The following IQGAP2 variants were observed in gnomAD, a reference collection of about 807,000 sequenced individuals.
IQGAP2 encodes IQ motif containing GTPase activating protein 2.
IQGAP2 carries 173 observed loss-of-function variants against 201.3 expected under a neutral mutation model. The observed-to-expected ratio is 0.86, with a 90% confidence interval of 0.76 to 0.98. The LOEUF is 0.98. Among genes scored for constraint, IQGAP2 ranks in the 50% least tolerant of loss-of-function variants. The pLI is 0.00. For synonymous variants in IQGAP2, 675 were observed against 673.9 expected, an observed-to-expected ratio of 1.00 and a Z score of -0.03; for missense variants, 1,687 against 1,864.8, an observed-to-expected ratio of 0.90 and a Z score of 1.76.
At chr5:76,595,604 T>A (rs1746972866) in intron 9 of IQGAP2, among the ~76,000 whole-genome samples, 1 of 151,496 alleles carries the variant, frequency 6.6e-6, no homozygotes, top group Non-Finnish European at 1.5e-5. Context: ...ACAAAAAAAA[T>A]TTAAAAATTA....
intron 2 of IQGAP2, among the ~76,000 whole-genome samples, chr5:76,475,158 G>A (rs1330228123): frequency 6.6e-6 from 1 of 152,166 alleles, no homozygotes; most frequent in African/African-American, 2.4e-5. Flanking sequence ...CCTCTGGGAT[G>A]AGAGGGGAGA....
chr5:76,565,668 T>C (rs1290315520), intron 3 of IQGAP2, among the ~76,000 whole-genome samples: 1 of 152,188 alleles, frequency 6.6e-6, no homozygotes, highest in Non-Finnish European at 1.5e-5. Context: ...GGCAGGGTCT[T>C]ATCCACAGTA....
chr5:76,656,188 T>C (rs889803723), intron 20 of IQGAP2, among the ~76,000 whole-genome samples: 1 of 150,346 alleles, frequency 6.7e-6, no homozygotes, highest in Non-Finnish European at 1.5e-5. Flanking sequence ...GTTTTTGGGG[T>C]TTTTTGTTGG....
At chr5:76,555,939 G>T (rs556790110) in intron 2 of IQGAP2, among the ~76,000 whole-genome samples, 2 of 152,192 alleles carry the variant, frequency 1.3e-5, no homozygotes, top group Non-Finnish European at 2.9e-5. Flanking sequence ...TACAGATGCT[G>T]TGGGGCTACG....
chr5:76,496,509 C>T (rs1756897579), intron 2 of IQGAP2, among the ~76,000 whole-genome samples: 1 of 152,112 alleles, frequency 6.6e-6, no homozygotes, highest in Non-Finnish European at 1.5e-5. Context: ...ACAGTCTGTC[C>T]CCCTTGCCAT....
Position 76,637,198 on chromosome 5 carries a change from G to A in IQGAP2, c.1923+22G>A, listed in dbSNP as rs184448357. The A allele has an allele frequency of 1.1e-5, 18 of 1,578,932 alleles. No individual in the cohort carries two copies. In the East Asian group the frequency reaches 4.1e-4, roughly 36 times the overall value. On this transcript the variant is annotated intron_variant, in intron 16 of 35. Coordinates refer to ENST00000274364, the MANE Select transcript of IQGAP2 (RefSeq NM_006633.5). ...CGAGGTAGGAGGTTGGTGTTTGATG[G>A]ATAACTCTACTGTATAAAGTTAAAT...
chr5:76,589,082 G>A (rs896074180), intron 6 of IQGAP2, 109 bp downstream of exon 6: 3 of 581,544 alleles, frequency 5.2e-6, no homozygotes, highest in Non-Finnish European at 9.3e-6. Context: ...GGGAGGCCGA[G>A]GCGGGCGGAT....
chr5:76,468,451 A>G (rs1250004748), intron 2 of IQGAP2, among the ~76,000 whole-genome samples: 2 of 152,116 alleles, frequency 1.3e-5, no homozygotes, highest in Non-Finnish European at 2.9e-5. Flanking sequence ...ATCTCTCTGT[A>G]TATGTGTATC....
chr5:76,579,093 T>C (rs1745662525), intron 5 of IQGAP2, among the ~76,000 whole-genome samples: 1 of 152,086 alleles, frequency 6.6e-6, no homozygotes, highest in African/African-American at 2.4e-5. Flanking sequence ...ATGTTTTGAG[T>C]ACTTCAGATA....
At chr5:76,693,500 C>G (rs1038527118) in intron 31 of IQGAP2, 58 bp downstream of exon 31, 2 of 1,099,124 alleles carry the variant, frequency 1.8e-6, no homozygotes, top group Non-Finnish European at 2.8e-6. Flanking sequence ...CTTCATAAAT[C>G]TTTATGCCAT....
intron 1 of IQGAP2, among the ~76,000 whole-genome samples, chr5:76,428,172 G>A (rs1752122559): frequency 6.6e-6 from 1 of 152,138 alleles, no homozygotes; most frequent in African/African-American, 2.4e-5. Context: ...CCCCTCAGAA[G>A]GGCTTTGGCC....
chr5:76,663,618 A>G (rs1743466122), intron 21 of IQGAP2, among the ~76,000 whole-genome samples: 1 of 152,238 alleles, frequency 6.6e-6, no homozygotes, highest in African/African-American at 2.4e-5. Context: ...TTCACTAATA[A>G]AAGATGGAAA....
intron 5 of IQGAP2, among the ~76,000 whole-genome samples, chr5:76,583,929 G>A (rs1432447282): frequency 6.6e-6 from 1 of 151,676 alleles, no homozygotes; most frequent in Non-Finnish European, 1.5e-5. Flanking sequence ...ATGGAGTGCA[G>A]TGGCACAATC....
intron 17 of IQGAP2, among the ~76,000 whole-genome samples, chr5:76,647,169 A>G (rs1752112020): frequency 6.6e-6 from 1 of 152,170 alleles, no homozygotes; most frequent in South Asian, 2.1e-4. Flanking sequence ...TCTTCCGTAA[A>G]TACAACTAAA....
At chr5:76,433,396 G>A (rs1023552062) in intron 1 of IQGAP2, among the ~76,000 whole-genome samples, 1 of 152,160 alleles carries the variant, frequency 6.6e-6, no homozygotes, top group African/African-American at 2.4e-5. Flanking sequence ...GAAAGCCACA[G>A]CTCCCATAGG....
At chr5:76,550,766 C>G (rs1198272587) in intron 2 of IQGAP2, among the ~76,000 whole-genome samples, 1 of 152,266 alleles carries the variant, frequency 6.6e-6, no homozygotes, top group Non-Finnish European at 1.5e-5. Flanking sequence ...TACACAGACA[C>G]AGTAACAATC....
chr5:76,638,748 T>C (rs1191962454), intron 16 of IQGAP2, among the ~76,000 whole-genome samples: 1 of 152,188 alleles, frequency 6.6e-6, no homozygotes, highest in Non-Finnish European at 1.5e-5. Flanking sequence ...CTTTGTTAGA[T>C]CTGAATGTTT....
intron 2 of IQGAP2, among the ~76,000 whole-genome samples, chr5:76,502,461 C>T (rs777934299): frequency 6.6e-6 from 1 of 152,056 alleles, no homozygotes; most frequent in East Asian, 1.9e-4. Flanking sequence ...TTTCAAATGG[C>T]CATTAAATGC....
At chr5:76,588,124 C>T (rs1382772513) in intron 5 of IQGAP2, among the ~76,000 whole-genome samples, 1 of 152,164 alleles carries the variant, frequency 6.6e-6, no homozygotes, top group African/African-American at 2.4e-5. Flanking sequence ...GGAGCTTCAT[C>T]TCACATCAAC....
Sources: allele counts gnomAD v4.1 joint callset (sites outside exome capture counted in the v4.1 genomes callset), GRCh38; gene constraint gnomAD v4.1.1; transcripts MANE v1.5; gene names NCBI Gene and HGNC (gene_info 2026-07-23, HGNC 2026-07-21).